The following PCDH1 variants were observed in gnomAD, a reference collection of about 807,000 sequenced individuals.
The protein encoded by PCDH1 is protocadherin 1.
A neutral mutation model predicts 74.6 loss-of-function variants in PCDH1; 23 were observed. That is an observed-to-expected ratio of 0.31 (90% CI 0.22 to 0.44). The LOEUF (loss-of-function observed/expected upper bound fraction) is 0.44, where lower values mean the gene tolerates loss of function less well. Among genes scored for constraint, PCDH1 ranks in the 20% least tolerant of loss-of-function variants. The probability of loss-of-function intolerance (pLI) is 1.00; values close to 1 mark genes in which losing one functional copy is unlikely to be tolerated. For missense variants in PCDH1, 1,214 were observed against 1,641.4 expected (o/e 0.74, Z 4.50); for synonymous variants, 647 against 686.1 (o/e 0.94, Z 0.89).
Position 141,869,149 on chromosome 5 carries a change from A to T in PCDH1, c.323T>A (p.Ile108Asn). ...YLRVDGKTGD[I>N]FTTETSIDRE... ...GTCGATGGAGGTCTCGGTGGTGAAA[A>T]TGTCACCTGTCTTGCCATCCACGCG... Residue 108 changes from isoleucine to asparagine, a missense_variant, in exon 2 of 5, where the codon ATT becomes AAT. Transcript: ENST00000287008. The surrounding 1 kb of genome is among the most constrained non-coding windows in gnomAD (Gnocchi z 4.9). 6.3e-7 allele frequency: 1 copy of T among 1,584,220 alleles called. No individual in the cohort carries two copies. The highest frequency in any genetic ancestry group is 8.6e-7 in the Non-Finnish European group (1 of 1,166,636).
intron 1 of PCDH1, among the ~76,000 whole-genome samples, chr5:141,874,103 T>A (rs1390549899): frequency 6.6e-6 from 1 of 152,148 alleles, no homozygotes; most frequent in Non-Finnish European, 1.5e-5. Flanking sequence ...CTCCCCACCA[T>A]TCCTGGACTG....
intron 4 of PCDH1, chr5:141,856,317 G>T: frequency 2.1e-6 from 3 of 1,440,326 alleles, no homozygotes; most frequent in Non-Finnish European, 2.8e-6. Context: ...GGAGGGGCGG[G>T]GTGGGGGTGG....
chr5:141,868,557 G>A lies in PCDH1; in HGVS notation c.903+12C>T, dbSNP rs1176659778. 6.6e-7 allele frequency: 1 copy of A among 1,523,110 alleles called. No homozygotes were observed. Among genetic ancestry groups the A allele is most frequent in the South Asian group, 1.3e-5 (1 of 75,532 alleles). The allele number at this position is 1,523,110 out of a possible 1,614,324, so 94.3% of individuals were successfully genotyped here. Reference sequence around the variant, plus strand: ...GGGTCACCCTGACAGTTATACGGAGGGGGCCTCTCACCTGGATGACCGAGT... The same window carrying A: ...GGGTCACCCTGACAGTTATACGGAGAGGGCCTCTCACCTGGATGACCGAGT... On this transcript the variant is annotated intron_variant, in intron 2 of 4. Transcript: ENST00000287008. This position sits in a 1 kb window ranked among gnomAD's most constrained non-coding sequence, Gnocchi z 4.8.
rs868265134 is a variant in PCDH1, at chr5:141,868,284, G to A, written c.903+285C>T. 7.9e-5 allele frequency among the ~76,000 whole-genome samples: 12 copies of A among 152,210 alleles called. No individual in the cohort carries two copies. The highest frequency in any genetic ancestry group is 2.9e-4 in the African/African-American group (12 of 41,444). On this transcript the variant is annotated intron_variant, in intron 2 of 4. Transcript: ENST00000287008. The surrounding 1 kb of genome is among the most constrained non-coding windows in gnomAD (Gnocchi z 4.8). ...AGAAGGATCTACTTGACTAGGGCGG[G>A]AGTTTTACTTCTCAGAGGTTCCCCC...
At position 141,864,342 on chromosome 5, in the gene PCDH1, G is replaced by C; in HGVS notation, c.1989C>G (p.Gly663=). Residue 663 remains glycine, a synonymous_variant, in exon 3 of 5, where the codon GGC becomes GGG. Coordinates refer to ENST00000287008, the MANE Select transcript of PCDH1 (RefSeq NM_032420.5). The surrounding 1 kb of genome is among the most constrained non-coding windows in gnomAD (Gnocchi z 5.9). ...TCAGGCTGGATAGGATGGTGCCTGT[G>C]CCATTCTGGATAACAAAGTCACCGT... ...QDNGDFVIQN[G]TGTILSSLSF... 6.2e-7 allele frequency: 1 copy of C among 1,614,094 alleles called. No homozygotes were observed. The highest frequency in any genetic ancestry group is 2.2e-5 in the East Asian group (1 of 44,872).
At chr5:141,860,322 G>A (rs950440399) in intron 3 of PCDH1, among the ~76,000 whole-genome samples, 7 of 151,910 alleles carry the variant, frequency 4.6e-5, no homozygotes, top group South Asian at 4.2e-4. Flanking sequence ...GACCAGCCTG[G>A]GCAACATGGC....
Position 141,869,178 on chromosome 5 carries a change from G to C in PCDH1, c.294C>G (p.Tyr98Ter). Reference protein sequence around the residue: ...HLYKLEVGAPYLRVDGKTGDI... With the variant: ...HLYKLEVGAP ...CACCTGTCTTGCCATCCACGCGAAG[G>C]TACGGGGCACCCACCTCTAGCTTGT... The change falls in exon 2 of 5, where the codon TAC becomes TAG. Residue 98 changes from tyrosine (Y) to a stop codon, truncating the protein, a stop_gained. Transcript: ENST00000287008. LOFTEE classifies it high-confidence loss of function. The surrounding 1 kb of genome is among the most constrained non-coding windows in gnomAD (Gnocchi z 4.9). The C allele has an allele frequency of 6.2e-7, 1 of 1,614,000 alleles. No homozygotes were observed. The highest frequency in any genetic ancestry group is 8.5e-7 in the Non-Finnish European group (1 of 1,179,988).
chr5:141,857,668 G>A (rs1450263665), intron 3 of PCDH1, among the ~76,000 whole-genome samples, 197 bp from the exon 4 acceptor site: 3 of 151,992 alleles, frequency 2.0e-5, no homozygotes, highest in Admixed American at 6.6e-5. Context: ...TTCTAGGACC[G>A]CTCCTAGTAC....
chr5:141,863,938 C>T lies in PCDH1; in HGVS notation c.2393G>A (p.Gly798Asp), dbSNP rs1313873398. The T allele has an allele frequency of 1.2e-6, 2 of 1,613,980 alleles. No homozygotes were observed. The highest frequency in any genetic ancestry group is 8.5e-7 in the Non-Finnish European group (1 of 1,180,034). Residue 798 changes from glycine to aspartate, a missense_variant, in exon 3 of 5, where the codon GGC (glycine) becomes GAC (aspartate). By Grantham distance (94) the Gly-to-Asp change is moderately conservative. Coordinates refer to ENST00000287008, the MANE Select transcript of PCDH1 (RefSeq NM_032420.5). The surrounding 1 kb of genome is among the most constrained non-coding windows in gnomAD (Gnocchi z 7.5). ...GGCTGTGCCATAGCGTGGGGGCTTG[C>T]CGCGGTCACTGACCTTCACCACCAG... ...HRLVVKVSDRGKPPRYGTALV... is the reference protein window; with the variant it reads ...HRLVVKVSDRDKPPRYGTALV...
chr5:141,854,377 A>G lies in PCDH1; in HGVS notation c.3379T>C (p.Phe1127Leu), dbSNP rs772375641. The G allele has an allele frequency of 3.7e-6, 6 of 1,613,414 alleles. No homozygotes were observed. The South Asian group carries it at 5.5e-5, about 15-fold the overall frequency. ...TGTCTRECSE[F>L]GHSDTCWMPG... ...ATCCAGCATGTGTCAGAGTGGCCAAACTCACTGCACTCCCGGGTACATGTG... is the reference window on the plus strand; with the variant it reads ...ATCCAGCATGTGTCAGAGTGGCCAAGCTCACTGCACTCCCGGGTACATGTG... The change falls in exon 5 of 5, where the codon TTT (phenylalanine) becomes CTT (leucine). Residue 1127 changes from phenylalanine (F) to leucine (L), a missense_variant. Physicochemically the swap from Phe to Leu is conservative, Grantham distance 22 (BLOSUM62 0). Around this residue, in one of 4 missense-constraint regions of PCDH1, gnomAD observed 194 missense variants for 198.3 expected, o/e 0.98. Transcript: ENST00000287008.
chr5:141,854,208 G>A lies in PCDH1; in HGVS notation c.3548C>T (p.Ala1183Val), dbSNP rs773014652. 27 of 1,610,380 alleles carry A rather than the reference G, an allele frequency of 1.7e-5. No individual in the cohort carries two copies. In the Admixed American group the frequency reaches 2.5e-4, roughly 15 times the overall value. ...SPPEDRNTKT[A>V]PVRLLPSYSA... ...GTAGGAGGGCAGGAGGCGCACGGGG[G>A]CCGTTTTGGTGTTCCGGTCTTCCGG... The change falls in exon 5 of 5, where the codon GCC becomes GTC. Residue 1183 changes from alanine to valine, a missense_variant. Ala to Val is a moderately conservative substitution (Grantham distance 64). Around this residue, in one of 4 missense-constraint regions of PCDH1, gnomAD observed 194 missense variants for 198.3 expected, o/e 0.98. Coordinates refer to ENST00000287008, the MANE Select transcript of PCDH1 (RefSeq NM_032420.5).
Position 141,857,333 on chromosome 5 carries a change from C to G in PCDH1, c.3238G>C (p.Gly1080Arg). Residue 1080 changes from glycine (G) to arginine (R), a missense_variant, in exon 4 of 5, where the codon GGT becomes CGT. This residue lies in a region of PCDH1 where 836 missense variants were observed against 1,182.2 expected (regional missense o/e 0.71). Coordinates refer to ENST00000287008, the MANE Select transcript of PCDH1 (RefSeq NM_032420.5). The stretch of plus-strand genomic sequence containing the variant: ...TGATCCTCAGGCAGGGCCAGGGGAC[C>G]GAGTCGAGGCCCTGAGGATGACTTG... ...SSKSSSGPRLGPLALPEDHYE... is the reference protein window; with the variant it reads ...SSKSSSGPRLRPLALPEDHYE... The G allele has an allele frequency of 6.2e-7, 1 of 1,613,652 alleles. No individual in the cohort carries two copies. The highest frequency in any genetic ancestry group is 8.5e-7 in the Non-Finnish European group (1 of 1,179,834).
intron 4 of PCDH1, among the ~76,000 whole-genome samples, chr5:141,854,665 T>G (rs1428822042): frequency 3.3e-5 from 5 of 152,072 alleles, no homozygotes; most frequent in African/African-American, 1.2e-4. Context: ...ATCTATCTTT[T>G]TTCTTTTTCT....
At chr5:141,855,958 C>CA (rs1429128819) in intron 4 of PCDH1, among the ~76,000 whole-genome samples, 1 of 149,670 alleles carries the variant, frequency 6.7e-6, no homozygotes, top group South Asian at 2.1e-4. Context: ...GCAGTGACCC[C>CA]CCCCCACCCC....
In PCDH1 at chr5:141,856,250, C is replaced by T. The variant is rs530274357; in HGVS notation, c.3319+1002G>A. ...TGGCACTCTGCCTCAGGGCCTGCTC[C>T]GGCCAGCCGGCTCTGCGCGGGCACA... is the stretch of plus-strand genomic sequence containing the variant. On this transcript the variant is annotated intron_variant, in intron 4 of 4. Transcript: ENST00000287008. 4.4e-5 allele frequency: 68 copies of T among 1,533,088 alleles called. No individual in the cohort carries two copies. The East Asian group carries it at 1.3e-3, about 29-fold the overall frequency. The allele number at this position is 1,533,088 out of a possible 1,614,324, so 95.0% of individuals were successfully genotyped here. A position where few individuals can be genotyped will look rare whatever the true frequency, so the allele number is the denominator to read the frequency against.
chr5:141,862,996 G>T (rs2678), intron 3 of PCDH1: 5 of 1,260,786 alleles, frequency 4.0e-6, no homozygotes, highest in Non-Finnish European at 4.0e-6. Flanking sequence ...TCTCTCCCCA[G>T]TGGGGAGAGG....
At position 141,863,358 on chromosome 5, in the gene PCDH1, G is replaced by A. The variant is rs763088305; in HGVS notation, c.2973C>T (p.His991=). Residue 991 remains histidine (H), a synonymous_variant, in exon 3 of 5, where the codon CAC becomes CAT. Coordinates refer to ENST00000287008, the MANE Select transcript of PCDH1 (RefSeq NM_032420.5). The surrounding 1 kb of genome is among the most constrained non-coding windows in gnomAD (Gnocchi z 7.5). ...QPQSPSASKK[H]QVVQDLPPAN... is the part of the protein sequence containing the mutation. Reference sequence around the variant, plus strand: ...CAGGTGGCAGGTCCTGTACCACCTGGTGCTTCTTGGAGGCTGAGGGTGACT... The same window carrying A: ...CAGGTGGCAGGTCCTGTACCACCTGATGCTTCTTGGAGGCTGAGGGTGACT... 1 of 1,548,712 alleles carries A rather than the reference G, an allele frequency of 6.5e-7. No individual in the cohort carries two copies. Among genetic ancestry groups the A allele is most frequent in the South Asian group, 1.3e-5 (1 of 79,940 alleles).
At chr5:141,860,809 T>C (rs976544545) in intron 3 of PCDH1, among the ~76,000 whole-genome samples, 10 of 152,064 alleles carry the variant, frequency 6.6e-5, no homozygotes, top group African/African-American at 2.4e-4. Context: ...TCACACCTAG[T>C]AAGGACTCAA....
chr5:141,871,030 G>T (rs944832885), intron 1 of PCDH1, among the ~76,000 whole-genome samples: 3 of 152,200 alleles, frequency 2.0e-5, no homozygotes, highest in Non-Finnish European at 4.4e-5. Flanking sequence ...CTTATTGTCT[G>T]CTCCAATCCC....
Sources: allele counts gnomAD v4.1 joint callset (sites outside exome capture counted in the v4.1 genomes callset), GRCh38; gene constraint gnomAD v4.1.1; regional missense constraint gnomAD v4.1.1; non-coding constraint Gnocchi (gnomAD v3.1); transcripts MANE v1.5; gene names NCBI Gene and HGNC (gene_info 2026-07-23, HGNC 2026-07-21).